The following IL17B variants were observed in gnomAD, a reference collection of about 807,000 sequenced individuals.
IL17B encodes the protein interleukin-17B.
In IL17B, 14 loss-of-function variants were observed where a neutral mutation model predicts 14.7. The ratio of observed to expected loss-of-function variants is 0.95; its 90% CI spans 0.63 to 1.49. The LOEUF (loss-of-function observed/expected upper bound fraction) is 1.49, where lower values mean the gene tolerates loss of function less well. Among genes scored for constraint, IL17B ranks in the 40% most tolerant of loss-of-function variants. The pLI, the probability that IL17B is intolerant of heterozygous loss-of-function variation, is 0.00. For missense variants in IL17B, 233 were observed against 252.8 expected, an observed-to-expected ratio of 0.92 and a Z score of 0.53; for synonymous variants, 105 against 94.8, an observed-to-expected ratio of 1.11 and a Z score of -0.62.
At chr5:149,401,945 C>T (rs1052089118) in intron 1 of IL17B, among the ~76,000 whole-genome samples, 3 of 152,178 alleles carry the variant, frequency 2.0e-5, no homozygotes, top group South Asian at 2.1e-4. Context: ...TTTACATGCA[C>T]GGTCACATGT....
chr5:149,402,864 G>A lies in IL17B; in HGVS notation n.95+1244C>T, dbSNP rs146601235. On this transcript the variant is annotated intron_variant and non_coding_transcript_variant, in intron 1 of 2. Coordinates refer to the IL17B transcript ENST00000505432. Reference sequence around the variant, plus strand: ...TAAAAATACAAAAAATTAGCCAGGCGTGGTGGCACATACCTGTAGTCCCAG... The same window carrying A: ...TAAAAATACAAAAAATTAGCCAGGCATGGTGGCACATACCTGTAGTCCCAG... Among the ~76,000 whole-genome samples, 1,370 of 151,578 alleles carry A rather than the reference G, an allele frequency of 9.0e-3. 18 individuals are homozygous for A. The highest frequency in any genetic ancestry group is 0.032 in the African/African-American group (1,306 of 41,352).
intron 1 of IL17B, among the ~76,000 whole-genome samples, chr5:149,396,788 A>G (rs937621488): frequency 2.0e-5 from 3 of 152,196 alleles, no homozygotes; most frequent in Non-Finnish European, 2.9e-5. Flanking sequence ...AAAAGTAAGA[A>G]TAGTTCACCA....
intron 1 of IL17B, among the ~76,000 whole-genome samples, chr5:149,396,808 T>C (rs1227647640): frequency 1.3e-5 from 2 of 152,138 alleles, no homozygotes; most frequent in Non-Finnish European, 2.9e-5. Context: ...ATGTAATGTG[T>C]TTTGTAACAC....
At chr5:149,392,014 C>G (rs1027809412) in intron 1 of IL17B, among the ~76,000 whole-genome samples, 1 of 152,218 alleles carries the variant, frequency 6.6e-6, no homozygotes, top group African/African-American at 2.4e-5. Flanking sequence ...TGGAGAAACT[C>G]AAAATTTCTG....
chr5:149,393,730 G>A (rs996664373), intron 1 of IL17B, among the ~76,000 whole-genome samples: 1 of 151,612 alleles, frequency 6.6e-6, no homozygotes, highest in Non-Finnish European at 1.5e-5. Flanking sequence ...GACAGACATA[G>A]ATTCTGAGAA....
chr5:149,403,572 T>G (rs1759256214), intron 1 of IL17B, among the ~76,000 whole-genome samples: 1 of 152,222 alleles, frequency 6.6e-6, no homozygotes, highest in South Asian at 2.1e-4. Flanking sequence ...TCAGGGGTTA[T>G]GGGCCTTTTC....
At chr5:149,382,795 A>G (rs572678610), upstream of IL17B, among the ~76,000 whole-genome samples, 1 of 152,366 alleles carries the variant, frequency 6.6e-6, no homozygotes, top group South Asian at 2.1e-4. Flanking sequence ...TCGGGTGCTC[A>G]CTAAACCCAC....
intron 1 of IL17B, among the ~76,000 whole-genome samples, chr5:149,391,849 C>T (rs1758975544): frequency 1.3e-5 from 2 of 152,208 alleles, no homozygotes; most frequent in Non-Finnish European, 2.9e-5. Flanking sequence ...AGGTCACTGT[C>T]GTGACCCCAG....
At chr5:149,394,749 G>A (rs1759056856) in intron 1 of IL17B, among the ~76,000 whole-genome samples, 1 of 152,108 alleles carries the variant, frequency 6.6e-6, no homozygotes, top group South Asian at 2.1e-4. Flanking sequence ...CTTTCTTTTA[G>A]CGTATGGCTC....
intron 1 of IL17B, among the ~76,000 whole-genome samples, chr5:149,395,815 G>A (rs1759081200): frequency 6.6e-6 from 1 of 152,162 alleles, no homozygotes; most frequent in Non-Finnish European, 1.5e-5. Context: ...TGGGACGACA[G>A]GTACATGCCA....
chr5:149,381,996 C>G (rs1433578943), upstream of IL17B, among the ~76,000 whole-genome samples: 1 of 152,104 alleles, frequency 6.6e-6, no homozygotes, highest in Non-Finnish European at 1.5e-5. Flanking sequence ...CAGTGGGTGG[C>G]CGCGGTCTCG....
At chr5:149,379,371 G>T (rs984380326), upstream of IL17B, 54 of 918,866 alleles carry the variant, frequency 5.9e-5, no homozygotes, top group Non-Finnish European at 8.3e-5. Context: ...CTCGTCATCA[G>T]CTGGGAGCCT....
chr5:149,390,635 A>AGT (rs1314197420), intron 1 of IL17B, among the ~76,000 whole-genome samples: 6 of 150,376 alleles, frequency 4.0e-5, no homozygotes, highest in Non-Finnish European at 5.9e-5. Flanking sequence ...ACACACAGAG[A>AGT]TACACAAGGC....
intron 1 of IL17B, among the ~76,000 whole-genome samples, chr5:149,391,871 C>A (rs540591806): frequency 6.6e-6 from 1 of 152,186 alleles, no homozygotes; most frequent in Non-Finnish European, 1.5e-5. Flanking sequence ...AACTTCTCAT[C>A]GGCCTTGTCT....
At chr5:149,393,998 C>A (rs1759042490) in intron 1 of IL17B, among the ~76,000 whole-genome samples, 3 of 152,254 alleles carry the variant, frequency 2.0e-5, no homozygotes, top group Admixed American at 2.0e-4. Context: ...CTGAAAAAAT[C>A]ATTTTAAAAT....
At chr5:149,399,103 T>A (rs1759157436) in intron 1 of IL17B, among the ~76,000 whole-genome samples, 1 of 152,340 alleles carries the variant, frequency 6.6e-6, no homozygotes, top group South Asian at 2.1e-4. Flanking sequence ...GGCCCCATGA[T>A]TCAATTATCT....
chr5:149,394,263 T>C (rs1759047921), intron 1 of IL17B, among the ~76,000 whole-genome samples: 1 of 152,222 alleles, frequency 6.6e-6, no homozygotes, highest in Admixed American at 6.5e-5. Context: ...GGTTGTTAAT[T>C]GTGTGCACCC....
upstream of IL17B, among the ~76,000 whole-genome samples, chr5:149,380,929 C>G (rs1347170809): frequency 6.6e-5 from 10 of 152,196 alleles, no homozygotes; most frequent in Admixed American, 6.5e-4. Flanking sequence ...TTGGAAACTC[C>G]AGAGGGAGGG....
intron 1 of IL17B, 112 bp from the exon 2 acceptor site, chr5:149,377,137 C>T (rs911698067): frequency 1.2e-6 from 1 of 832,280 alleles, no homozygotes; most frequent in Admixed American, 3.1e-5. Flanking sequence ...AGGCTCAGGT[C>T]TGACTCTGCC....
Sources: allele counts gnomAD v4.1 joint callset (sites outside exome capture counted in the v4.1 genomes callset), GRCh38; gene constraint gnomAD v4.1.1; transcripts MANE v1.5; gene names NCBI Gene and HGNC (gene_info 2026-07-23, HGNC 2026-07-21).